RASAL2: variants seen among roughly 807,000 people sequenced by gnomAD.
RASAL2 encodes the protein ras GTPase-activating protein nGAP.
RASAL2 carries 58 observed loss-of-function variants against 128.9 expected under a neutral mutation model. That is an observed-to-expected ratio of 0.45 (90% CI 0.36 to 0.56). The LOEUF (loss-of-function observed/expected upper bound fraction) is 0.56, where lower values mean the gene tolerates loss of function less well. Among genes scored for constraint, RASAL2 ranks in the 20% least tolerant of loss-of-function variants. The probability of loss-of-function intolerance (pLI) is 0.00; values close to 1 mark genes in which losing one functional copy is unlikely to be tolerated. For missense variants in RASAL2, 1,360 were observed against 1,601.6 expected, an observed-to-expected ratio of 0.85 and a Z score of 2.57; for synonymous variants, 561 against 580.8, an observed-to-expected ratio of 0.97 and a Z score of 0.49.
At chr1:178,461,732 A>T (rs1678212329) in intron 14 of RASAL2, among the ~76,000 whole-genome samples, 2 of 152,098 alleles carry the variant, frequency 1.3e-5, no homozygotes, top group African/African-American at 4.8e-5. Context: ...CTCTTCAAGA[A>T]CTCCCAAAGT....
intron 1 of RASAL2, among the ~76,000 whole-genome samples, chr1:178,169,025 T>G (rs1359731057): frequency 6.6e-6 from 1 of 152,114 alleles, no homozygotes; most frequent in Non-Finnish European, 1.5e-5. Flanking sequence ...TTTTCATCTT[T>G]TATTGAGGCA....
intron 11 of RASAL2, among the ~76,000 whole-genome samples, chr1:178,453,678 T>C (rs1267191780): frequency 6.6e-6 from 1 of 152,122 alleles, no homozygotes; most frequent in Non-Finnish European, 1.5e-5. Context: ...AAGTTTATGA[T>C]ATTTTTATAA....
intron 1 of RASAL2, among the ~76,000 whole-genome samples, chr1:178,226,657 G>A (rs1289440101): frequency 6.6e-6 from 1 of 152,152 alleles, no homozygotes; most frequent in African/African-American, 2.4e-5. Flanking sequence ...ACAGAAAACT[G>A]TATCCAGGGC....
chr1:178,472,880 A>G (rs1453960037), intron 17 of RASAL2, among the ~76,000 whole-genome samples, 195 bp from the exon 18 acceptor site: 2 of 152,208 alleles, frequency 1.3e-5, no homozygotes. Flanking sequence ...GAGAGAAAAA[A>G]ATAAACACAG....
chr1:178,113,667 G>A (rs55782280), intron 1 of RASAL2, among the ~76,000 whole-genome samples: 1 of 151,918 alleles, frequency 6.6e-6, no homozygotes, highest in East Asian at 1.9e-4. Flanking sequence ...ATAGCTGTGA[G>A]CCACCACACC....
At chr1:178,451,341 G>A (rs1190332516) in intron 9 of RASAL2, among the ~76,000 whole-genome samples, 1 of 152,130 alleles carries the variant, frequency 6.6e-6, no homozygotes, top group Admixed American at 6.6e-5. Flanking sequence ...TGATGTTAGT[G>A]ATTGCTGTTA....
chr1:178,385,380 T>C (rs1357432741), intron 3 of RASAL2, among the ~76,000 whole-genome samples: 2 of 152,062 alleles, frequency 1.3e-5, no homozygotes, highest in East Asian at 3.9e-4. Flanking sequence ...GAGTTTGTAG[T>C]GAGCCCAGAT....
At chr1:178,323,407 T>TC (rs1409354797) in intron 3 of RASAL2, among the ~76,000 whole-genome samples, 1 of 151,980 alleles carries the variant, frequency 6.6e-6, no homozygotes, top group Non-Finnish European at 1.5e-5. Context: ...TGTGGGTAAT[T>TC]TTTTTTTATC....
intron 1 of RASAL2, among the ~76,000 whole-genome samples, chr1:178,179,037 T>A (rs1661987774): frequency 6.6e-6 from 1 of 152,210 alleles, no homozygotes; most frequent in African/African-American, 2.4e-5. Context: ...ACTGATATTA[T>A]TTGAAGTCCT....
intron 3 of RASAL2, among the ~76,000 whole-genome samples, chr1:178,359,239 G>A (rs1670980405): frequency 1.3e-5 from 2 of 152,096 alleles, no homozygotes; most frequent in Admixed American, 6.5e-5. Flanking sequence ...ATTTGGAAAA[G>A]TAAATACATT....
chr1:178,126,315 ATATTT>A (rs1461957601), intron 1 of RASAL2, among the ~76,000 whole-genome samples: 3 of 152,200 alleles, frequency 2.0e-5, no homozygotes, highest in Non-Finnish European at 4.4e-5. Context: ...TATATAATGT[ATATTT>A]TTTAAGATTG....
chr1:178,350,410 T>C (rs1670401064), intron 3 of RASAL2, among the ~76,000 whole-genome samples: 1 of 152,136 alleles, frequency 6.6e-6, no homozygotes, highest in Non-Finnish European at 1.5e-5. Context: ...TTTTGTTTTG[T>C]TTTTGTAGAG....
intron 3 of RASAL2, among the ~76,000 whole-genome samples, chr1:178,333,396 T>C (rs1669436473): frequency 6.6e-6 from 1 of 152,242 alleles, no homozygotes; most frequent in African/African-American, 2.4e-5. Context: ...TATTAGACTT[T>C]ACTGAGGTGA....
chr1:178,203,326 C>A (rs971408188), intron 1 of RASAL2, among the ~76,000 whole-genome samples: 3 of 152,170 alleles, frequency 2.0e-5, no homozygotes, highest in African/African-American at 7.2e-5. Context: ...CCTGAAGCAG[C>A]TGGATTGATA....
intron 1 of RASAL2, among the ~76,000 whole-genome samples, chr1:178,179,065 G>T (rs1661989090): frequency 6.6e-6 from 1 of 152,190 alleles, no homozygotes; most frequent in Non-Finnish European, 1.5e-5. Context: ...TATTTGCAGG[G>T]TTGGTGTTAT....
intron 1 of RASAL2, among the ~76,000 whole-genome samples, chr1:178,200,333 G>C (rs1332350197): frequency 5.3e-5 from 8 of 152,166 alleles, no homozygotes; most frequent in Admixed American, 5.2e-4. Context: ...GGCGTGAACT[G>C]TTTAGAGAGT....
intron 3 of RASAL2, among the ~76,000 whole-genome samples, chr1:178,325,034 C>G (rs1263355134): frequency 6.6e-6 from 1 of 152,082 alleles, no homozygotes; most frequent in Non-Finnish European, 1.5e-5. Flanking sequence ...AAATTTAAAG[C>G]CTATTTTCTT....
At chr1:178,298,088 A>G (rs1445911054) in intron 2 of RASAL2, among the ~76,000 whole-genome samples, 1 of 152,106 alleles carries the variant, frequency 6.6e-6, no homozygotes, top group Non-Finnish European at 1.5e-5. Context: ...ATTTTTTCCA[A>G]ATTTACTGTC....
At chr1:178,125,573 A>G (rs1659864698) in intron 1 of RASAL2, 1 of 152,208 alleles carries the variant, frequency 6.6e-6, no homozygotes, top group Admixed American at 6.5e-5. Flanking sequence ...ATTATTTTTC[A>G]GAAGAATAAC....
Sources: gnomAD v4.1 joint callset for allele counts (sites outside exome capture counted in the v4.1 genomes callset) on GRCh38, gnomAD v4.1.1 for gene constraint, MANE v1.5 for transcripts, NCBI Gene and HGNC (gene_info 2026-07-23, HGNC 2026-07-21) for gene names.